Variants in FRS2 observed in about 807,000 individuals in gnomAD.
FRS2 encodes FGFR signalling adaptor.
FRS2 carries 8 observed loss-of-function variants against 43.9 expected under a neutral mutation model. The ratio of observed to expected loss-of-function variants is 0.18; its 90% confidence interval spans 0.11 to 0.33. The LOEUF (loss-of-function observed/expected upper bound fraction) is 0.33, where lower values mean the gene tolerates loss of function less well. Among genes scored for constraint, FRS2 ranks in the 10% least tolerant of loss-of-function variants. FRS2 has a pLI of 1.00. For missense variants in FRS2, 534 were observed against 627.6 expected (o/e 0.85, Z 1.59); for synonymous variants, 219 against 220.3 (o/e 0.99, Z 0.05).
At chr12:69,508,462 C>G (rs1003963267) in intron 1 of FRS2, among the ~76,000 whole-genome samples, 10 of 152,098 alleles carry the variant, frequency 6.6e-5, no homozygotes, top group African/African-American at 2.2e-4. Context: ...TGATTGGCCT[C>G]ACTATTACTG....
chr12:69,557,631 C>CGCGCGCAGGT (rs1565773327), intron 3 of FRS2, among the ~76,000 whole-genome samples: 146 of 121,084 alleles, frequency 1.2e-3, no homozygotes, highest in African/African-American at 4.7e-3. Flanking sequence ...CGCGCGCGCG[C>CGCGCGCAGGT]GCGCGCAGGT....
intron 1 of FRS2, among the ~76,000 whole-genome samples, chr12:69,484,579 C>A (rs1031197957): frequency 2.0e-5 from 3 of 152,198 alleles, no homozygotes; most frequent in Non-Finnish European, 2.9e-5. Flanking sequence ...CCTGTCTGCT[C>A]CCTGTTCAAA....
At chr12:69,566,633 T>C (rs1423478063) in intron 4 of FRS2, among the ~76,000 whole-genome samples, 1 of 150,838 alleles carries the variant, frequency 6.6e-6, no homozygotes, top group African/African-American at 2.4e-5. Flanking sequence ...AAAAAGAATA[T>C]GTGCCATGTA....
intron 1 of FRS2, among the ~76,000 whole-genome samples, chr12:69,528,865 T>G (rs1482025492): frequency 1.3e-5 from 2 of 152,218 alleles, no homozygotes; most frequent in South Asian, 2.1e-4. Context: ...GAGAGAGAGA[T>G]ATCTCTTGTT....
intron 1 of FRS2, among the ~76,000 whole-genome samples, chr12:69,479,400 T>C (rs1871159288): frequency 6.7e-6 from 1 of 148,456 alleles, no homozygotes; most frequent in African/African-American, 2.5e-5. Flanking sequence ...CTTTTTTTTT[T>C]TTTTTTTCTT....
chr12:69,484,153 C>T (rs1425760505), intron 1 of FRS2, among the ~76,000 whole-genome samples: 1 of 151,210 alleles, frequency 6.6e-6, no homozygotes, highest in South Asian at 2.1e-4. Flanking sequence ...GGTGCAATCT[C>T]GGCTCACTGC....
intron 5 of FRS2, 132 bp from the exon 6 acceptor site, chr12:69,570,199 C>A: frequency 1.5e-6 from 1 of 673,776 alleles, no homozygotes; most frequent in Non-Finnish European, 2.6e-6. Context: ...TGTTACACGG[C>A]TACGTAGTCC....
At chr12:69,567,974 C>T (rs1180125343) in intron 4 of FRS2, among the ~76,000 whole-genome samples, 2 of 152,200 alleles carry the variant, frequency 1.3e-5, no homozygotes, top group Non-Finnish European at 2.9e-5. Flanking sequence ...AAGCTTCAAT[C>T]AAATTTATGT....
At chr12:69,512,301 G>C (rs980496510) in intron 1 of FRS2, among the ~76,000 whole-genome samples, 2 of 152,044 alleles carry the variant, frequency 1.3e-5, no homozygotes, top group Non-Finnish European at 2.9e-5. Context: ...TTTATAACAG[G>C]GTAGTAATTC....
At chr12:69,503,334 G>A (rs1873631875) in intron 1 of FRS2, among the ~76,000 whole-genome samples, 1 of 152,158 alleles carries the variant, frequency 6.6e-6, no homozygotes, top group Non-Finnish European at 1.5e-5. Flanking sequence ...ACCCACGTTT[G>A]AAGGATTTTT....
chr12:69,484,095 C>CTTTCTTTTTTT (rs1555183009), intron 1 of FRS2, among the ~76,000 whole-genome samples: 1 of 149,264 alleles, frequency 6.7e-6, no homozygotes, highest in Non-Finnish European at 1.5e-5. Flanking sequence ...GCTTTTCTTT[C>CTTTCTTTTTTT]TTTTTTTTTG....
intron 1 of FRS2, among the ~76,000 whole-genome samples, chr12:69,476,025 G>T (rs1352092909): frequency 1.3e-5 from 2 of 152,020 alleles, no homozygotes; most frequent in Non-Finnish European, 2.9e-5. Flanking sequence ...CCCTATGCTG[G>T]TCACCCTCTC....
intron 1 of FRS2, among the ~76,000 whole-genome samples, chr12:69,490,752 T>C (rs1038356389): frequency 3.9e-5 from 6 of 152,188 alleles, no homozygotes; most frequent in Non-Finnish European, 8.8e-5. Context: ...TTTTGGTTGA[T>C]GCAAAGTTGC....
chr12:69,547,359 G>A (rs1878496935), intron 3 of FRS2, among the ~76,000 whole-genome samples: 1 of 152,020 alleles, frequency 6.6e-6, no homozygotes, highest in Admixed American at 6.6e-5. Flanking sequence ...TAATTGAGAG[G>A]CTGAGATGAG....
At chr12:69,495,070 C>T (rs1359732236) in intron 1 of FRS2, among the ~76,000 whole-genome samples, 1 of 152,080 alleles carries the variant, frequency 6.6e-6, no homozygotes, top group Non-Finnish European at 1.5e-5. Flanking sequence ...CTCGCCTGGC[C>T]GCTTCTAGGT....
Position 69,477,456 on chromosome 12 carries a change from G to A in FRS2, c.-261+6926G>A, listed in dbSNP as rs564596643. Among the ~76,000 whole-genome samples, 534 of 150,982 alleles carry A rather than the reference G, an allele frequency of 3.5e-3. 8 individuals are homozygous for A. The highest frequency in any genetic ancestry group is 0.013 in the African/African-American group (514 of 41,008). Reference sequence around the variant, plus strand: ...CGCCAACACGCCTGGCTAATTTTTTGTATTTTTAGTAGAAACGGGGTTTCA... The same window carrying A: ...CGCCAACACGCCTGGCTAATTTTTTATATTTTTAGTAGAAACGGGGTTTCA... On this transcript the variant is annotated intron_variant, in intron 1 of 8. Coordinates refer to ENST00000549921, the MANE Select transcript of FRS2 (RefSeq NM_001278356.2).
At chr12:69,489,944 CTG>C (rs1433118195) in intron 1 of FRS2, among the ~76,000 whole-genome samples, 2 of 150,618 alleles carry the variant, frequency 1.3e-5, no homozygotes, top group Non-Finnish European at 1.5e-5. Context: ...CCTCAAGAGA[CTG>C]TAATTGATTT....
chr12:69,545,646 A>G (rs1036936936), intron 3 of FRS2, among the ~76,000 whole-genome samples: 3 of 149,994 alleles, frequency 2.0e-5, no homozygotes, highest in African/African-American at 7.3e-5. Flanking sequence ...AATCTCAGCT[A>G]TTCGAGAGGC....
At chr12:69,499,136 C>G (rs1320916344) in intron 1 of FRS2, among the ~76,000 whole-genome samples, 2 of 151,814 alleles carry the variant, frequency 1.3e-5, no homozygotes, top group Non-Finnish European at 2.9e-5. Flanking sequence ...GAGTAGGCAA[C>G]TCTTATGATT....
Sources: allele counts gnomAD v4.1 joint callset (sites outside exome capture counted in the v4.1 genomes callset), GRCh38; gene constraint gnomAD v4.1.1; transcripts MANE v1.5; gene names NCBI Gene and HGNC (gene_info 2026-07-23, HGNC 2026-07-21).